ZBTB41: variants seen among roughly 807,000 people sequenced by gnomAD.
The protein encoded by ZBTB41 is zinc finger and BTB domain containing 41, also known as zinc finger and BTB domain-containing protein 41.
ZBTB41 carries 42 observed loss-of-function variants against 87.6 expected under a neutral mutation model. The observed-to-expected ratio is 0.48, with a 90% CI of 0.37 to 0.62. The LOEUF is 0.62. Among genes scored for constraint, ZBTB41 ranks in the 20% least tolerant of loss-of-function variants. The pLI, the probability that ZBTB41 is intolerant of heterozygous loss-of-function variation, is 0.00. For synonymous variants in ZBTB41, 364 were observed against 364.0 expected (o/e 1.00, Z 0.00); for missense variants, 799 against 1,078.9 (o/e 0.74, Z 3.63).
intron 4 of ZBTB41, 145 bp from the exon 5 acceptor site, chr1:197,188,584 A>G: frequency 1.3e-6 from 1 of 797,114 alleles, no homozygotes; most frequent in South Asian, 2.0e-5. Flanking sequence ...TTCAATTCTA[A>G]TTGTGCAGAA....
At chr1:197,195,710 TTC>T (rs1660146308) in intron 2 of ZBTB41, among the ~76,000 whole-genome samples, 1 of 152,152 alleles carries the variant, frequency 6.6e-6, no homozygotes, top group Admixed American at 6.5e-5. Context: ...TATCCAAATT[TTC>T]TCTCTCACCC....
At chr1:197,193,769 GTTT>G (rs1364186753) in intron 2 of ZBTB41, among the ~76,000 whole-genome samples, 3 of 152,080 alleles carry the variant, frequency 2.0e-5, no homozygotes, top group Non-Finnish European at 4.4e-5. Flanking sequence ...CACTATATGG[GTTT>G]TTAAGTATTC....
chr1:197,199,811 A>G lies in ZBTB41; in HGVS notation c.663T>C (p.Ser221=). 6.2e-7 allele frequency: 1 copy of G among 1,611,526 alleles called. No individual in the cohort carries two copies. The highest frequency in any genetic ancestry group is 2.2e-5 in the East Asian group (1 of 44,872). The change falls in exon 2 of 11, where the codon TCT becomes TCC. Residue 221 remains serine, a synonymous_variant. Transcript: ENST00000367405. The part of the protein sequence containing the change: ...FCSRHFCYKK[S]LENHLAKTHR... Reference sequence around the variant, plus strand: ...GGGTTTTAGCCAAATGATTCTCTAAAGACTTTTTATAACAAAAATGTCTAC... The same window carrying G: ...GGGTTTTAGCCAAATGATTCTCTAAGGACTTTTTATAACAAAAATGTCTAC...
intron 9 of ZBTB41, among the ~76,000 whole-genome samples, chr1:197,172,812 A>T (rs1254031498): frequency 1.3e-5 from 2 of 152,136 alleles, no homozygotes; most frequent in East Asian, 3.8e-4. Flanking sequence ...CGGCAATTTT[A>T]AAACCCGCAT....
intron 9 of ZBTB41, among the ~76,000 whole-genome samples, chr1:197,173,639 T>C (rs1344623201): frequency 6.6e-6 from 1 of 152,110 alleles, no homozygotes; most frequent in Admixed American, 6.6e-5. Flanking sequence ...GTCAAACTCC[T>C]GAAACAAACA....
intron 1 of ZBTB41, among the ~76,000 whole-genome samples, chr1:197,200,877 G>A (rs1652753050): frequency 6.6e-6 from 1 of 152,212 alleles, no homozygotes; most frequent in Non-Finnish European, 1.5e-5. Flanking sequence ...TTCCAAGATC[G>A]TTGACGGTGC....
intron 1 of ZBTB41, among the ~76,000 whole-genome samples, 95 bp downstream of exon 1, chr1:197,201,128 C>T (rs1412420271): frequency 6.6e-6 from 1 of 152,234 alleles, no homozygotes; most frequent in African/African-American, 2.4e-5. Flanking sequence ...AGAGCTTTCC[C>T]AGGCCCGGGC....
intron 2 of ZBTB41, among the ~76,000 whole-genome samples, chr1:197,197,323 A>C (rs920064667): frequency 6.6e-6 from 1 of 152,074 alleles, no homozygotes; most frequent in African/African-American, 2.4e-5. Context: ...TATGAATAAG[A>C]TATAGATAGA....
intron 5 of ZBTB41, among the ~76,000 whole-genome samples, chr1:197,184,890 C>G (rs1054617983): frequency 6.6e-6 from 1 of 152,086 alleles, no homozygotes; most frequent in African/African-American, 2.4e-5. Flanking sequence ...TCTTGACTCA[C>G]CACAACCTCC....
rs1191668364 is a variant in ZBTB41, at chr1:197,175,020, C to T, written c.1975G>A (p.Val659Met). 2 of 1,607,688 alleles carry T rather than the reference C, an allele frequency of 1.2e-6. No homozygotes were observed. Among genetic ancestry groups the T allele is most frequent in the Admixed American group, 1.7e-5 (1 of 59,208 alleles). Residue 659 changes from valine (V) to methionine (M), a missense_variant, in exon 9 of 11, where the codon GTG becomes ATG. Val to Met is a conservative substitution (Grantham distance 21, BLOSUM62 1). This residue lies in a region of ZBTB41 where 198 missense variants were observed against 358.4 expected (regional missense o/e 0.55). Transcript: ENST00000367405. ...TGCTTTTTCACTTACTTTTGCCACACTTTCTCTCCAAGGTGTACGCTTTTG... is the reference window on the plus strand; with the variant it reads ...TGCTTTTTCACTTACTTTTGCCACATTTTCTCTCCAAGGTGTACGCTTTTG... The part of the protein sequence containing the change: ...HYKSVHLGEK[V>M]WQKYKATFHQ...
chr1:197,194,656 G>A (rs1249477844), intron 2 of ZBTB41, among the ~76,000 whole-genome samples: 1 of 150,376 alleles, frequency 6.6e-6, no homozygotes, highest in African/African-American at 2.4e-5. Flanking sequence ...GGAAGTTTGG[G>A]AATTTAAACT....
intron 4 of ZBTB41, among the ~76,000 whole-genome samples, chr1:197,189,819 C>CA (rs964620605): frequency 7.9e-5 from 12 of 152,036 alleles, no homozygotes; most frequent in Admixed American, 3.3e-4. Flanking sequence ...CAAGAAGCCT[C>CA]AAAAAAAGAC....
chr1:197,184,652 T>C (rs1370881023), intron 5 of ZBTB41, among the ~76,000 whole-genome samples: 1 of 152,186 alleles, frequency 6.6e-6, no homozygotes, highest in African/African-American at 2.4e-5. Context: ...TTGTAAATCA[T>C]ATCACATTAT....
chr1:197,167,289 C>T (rs938320754), intron 10 of ZBTB41, among the ~76,000 whole-genome samples: 2 of 152,064 alleles, frequency 1.3e-5, no homozygotes, highest in Non-Finnish European at 1.5e-5. Flanking sequence ...TCAATTTCCC[C>T]GGCTAGGTGA....
rs1659113856 is a variant in ZBTB41 at position 197,158,069 on chromosome 1, T to G, written c.*1290A>C. On this transcript the variant is annotated 3_prime_UTR_variant, in exon 11 of 11. Transcript: ENST00000367405. ...AGCAACTCTACTAGGAAACATTATC[T>G]TAGTTTTTAGTTAAAATTGACTTGA... 1 of 152,404 alleles carries G rather than the reference T, an allele frequency of 6.6e-6. No individual in the cohort carries two copies. The highest frequency in any genetic ancestry group is 2.4e-5 in the African/African-American group (1 of 41,428). The allele number at this position is 152,404 out of a possible 1,614,324, so 9.4% of individuals were successfully genotyped here. A position where few individuals can be genotyped will look rare whatever the true frequency, so the allele number is the denominator to read the frequency against.
chr1:197,170,246 TAAGGGTATCCCAAC>T (rs1659446052), intron 10 of ZBTB41, among the ~76,000 whole-genome samples: 4 of 87,880 alleles, frequency 4.6e-5, no homozygotes, highest in Non-Finnish European at 1.1e-4. Context: ...TATAATGAAC[TAAGGGTATCCCAAC>T]AAGGAAAAAA....
In ZBTB41 at chr1:197,199,783, T is replaced by TATG; in HGVS notation, c.688_690dup (p.His230dup). 2 of 1,613,250 alleles carry TATG rather than the reference T, an allele frequency of 1.2e-6. No individual in the cohort carries two copies. The highest frequency in any genetic ancestry group is 1.7e-6 in the Non-Finnish European group (2 of 1,179,708). Reference sequence around the variant, plus strand: ...TGTTTTTTCCCTAATAAAAGGGACCTATGGGTTTTAGCCAAATGATTCTCT... The same window carrying TATG: ...TGTTTTTTCCCTAATAAAAGGGACCTATGATGGGTTTTAGCCAAATGATTCTCT... On this transcript the variant is annotated inframe_insertion, in exon 2 of 11. Transcript: ENST00000367405.
At chr1:197,193,136 G>A (rs149193088) in intron 2 of ZBTB41, among the ~76,000 whole-genome samples, 5 of 152,156 alleles carry the variant, frequency 3.3e-5, no homozygotes, top group Admixed American at 6.5e-5. Context: ...AATTAGTTGC[G>A]CGATTTTAAT....
chr1:197,174,175 C>T (rs986025269), intron 9 of ZBTB41, among the ~76,000 whole-genome samples: 1 of 151,996 alleles, frequency 6.6e-6, no homozygotes, highest in Non-Finnish European at 1.5e-5. Context: ...CTAAGCCATA[C>T]AGATTTTCAA....
Sources: allele counts gnomAD v4.1 joint callset (sites outside exome capture counted in the v4.1 genomes callset), GRCh38; gene constraint gnomAD v4.1.1; regional missense constraint gnomAD v4.1.1; transcripts MANE v1.5; gene names NCBI Gene and HGNC (gene_info 2026-07-23, HGNC 2026-07-21).